PCDHGB5: variants seen among roughly 807,000 people sequenced by gnomAD.
PCDHGB5 encodes the protein protocadherin gamma subfamily B, 5.
In PCDHGB5, 48 loss-of-function variants were observed where a neutral mutation model predicts 62.9. That is an observed-to-expected ratio of 0.76 (90% confidence interval 0.61 to 0.97). PCDHGB5 has a LOEUF of 0.97. PCDHGB5 is among the 50% of genes least tolerant of loss of function. The pLI, the probability that PCDHGB5 is intolerant of heterozygous loss-of-function variation, is 0.00. For missense variants in PCDHGB5, 1,118 were observed against 1,198.6 expected (o/e 0.93, Z 0.99); for synonymous variants, 474 against 511.2 (o/e 0.93, Z 0.98).
chr5:141,421,054 A>G, intron 1 of PCDHGB5: 3 of 571,978 alleles, frequency 5.2e-6, no homozygotes, highest in Non-Finnish European at 9.0e-6. Context: ...CGCCTCTACC[A>G]CACAAAGCGG....
intron 1 of PCDHGB5, among the ~76,000 whole-genome samples, chr5:141,482,104 AAT>A (rs1452930297): frequency 2.7e-5 from 4 of 150,286 alleles, no homozygotes; most frequent in Non-Finnish European, 5.9e-5. Context: ...AAAAAAAAAA[AAT>A]ATCTAGAGAT....
At chr5:141,415,740 G>GTTTTTGTTTTTTTTTT (rs2095911468) in intron 1 of PCDHGB5, 1 of 515,998 alleles carries the variant, frequency 1.9e-6, no homozygotes, top group Non-Finnish European at 2.6e-6. Context: ...GTTTATTAAG[G>GTTTTTGTTTTTTTTTT]TTTTTTTTTT....
At chr5:141,482,089 C>CA (rs36035257) in intron 1 of PCDHGB5, among the ~76,000 whole-genome samples, 13,509 of 134,292 alleles carry the variant, frequency 0.1, 910 homozygotes, top group African/African-American at 0.2. Context: ...CACTCCATCT[C>CA]AAAAAAAAAA....
intron 2 of PCDHGB5, among the ~76,000 whole-genome samples, chr5:141,504,793 C>A (rs1256626821): frequency 9.9e-5 from 15 of 152,166 alleles, no homozygotes; most frequent in Admixed American, 3.9e-4. Context: ...GGGCCTCCTA[C>A]ATCTCCCCCT....
chr5:141,408,298 G>T (rs778209794), intron 1 of PCDHGB5: 1 of 1,613,704 alleles, frequency 6.2e-7, no homozygotes, highest in South Asian at 1.1e-5. Context: ...TGAGTGAGCC[G>T]ATCCGCTACT....
intron 1 of PCDHGB5, chr5:141,403,037 A>G (rs1561685258): frequency 9.3e-6 from 15 of 1,613,972 alleles, no homozygotes; most frequent in South Asian, 5.5e-5. Flanking sequence ...GGCCAGGGCC[A>G]GTCAGATTCG....
intron 2 of PCDHGB5, among the ~76,000 whole-genome samples, chr5:141,500,410 C>G (rs2099800033): frequency 6.6e-6 from 1 of 151,774 alleles, no homozygotes; most frequent in Non-Finnish European, 1.5e-5. Flanking sequence ...GGGGTTTCAC[C>G]GTGTTAGCCA....
chr5:141,415,278 G>A (rs768587119), intron 1 of PCDHGB5: 4 of 1,614,212 alleles, frequency 2.5e-6, no homozygotes, highest in Non-Finnish European at 3.4e-6. Flanking sequence ...TGGTAGCGGT[G>A]GCCGCGGTCT....
chr5:141,430,763 A>C, intron 1 of PCDHGB5: 1 of 1,506,248 alleles, frequency 6.6e-7, no homozygotes, highest in Non-Finnish European at 8.9e-7. Flanking sequence ...GATAAGAATG[A>C]TTCCTGCGCG....
chr5:141,441,565 C>T (rs1049476318), intron 1 of PCDHGB5: 62 of 200,838 alleles, frequency 3.1e-4, no homozygotes, highest in African/African-American at 1.4e-3. Context: ...CAAGTAGACA[C>T]CTCCAACCTA....
rs192747939 is a variant in PCDHGB5 at position 141,487,483 on chromosome 5, T to C, written c.2398-7324T>C. 12 of 1,614,224 alleles carry C rather than the reference T, an allele frequency of 7.4e-6. No individual in the cohort carries two copies. In the Admixed American group the frequency reaches 1.8e-4, roughly 25 times the overall value. On this transcript the variant is annotated intron_variant, in intron 1 of 3. Coordinates refer to ENST00000617380, the MANE Select transcript of PCDHGB5 (RefSeq NM_018925.3). This position sits in a 1 kb window ranked among gnomAD's most constrained non-coding sequence, Gnocchi z 5.0. ...TTGTTGATGTGGGAGGCCACTCTCA[T>C]GGCTGTACACCCTTGGCTTCTGCAC... is the stretch of plus-strand genomic sequence containing the variant.
rs375228847 is a variant in PCDHGB5, at chr5:141,431,219, C to G, written c.2397+30695C>G. ...TGCAGCCACTGAGATGCGGTTCCCTCTACCCCACGCCTGGGATCCGGATAT... is the reference window on the plus strand; with the variant it reads ...TGCAGCCACTGAGATGCGGTTCCCTGTACCCCACGCCTGGGATCCGGATAT... On this transcript the variant is annotated intron_variant, in intron 1 of 3. Coordinates refer to ENST00000617380, the MANE Select transcript of PCDHGB5 (RefSeq NM_018925.3). This position sits in a 1 kb window ranked among gnomAD's most constrained non-coding sequence, Gnocchi z 4.8. 2.5e-6 allele frequency: 4 copies of G among 1,614,180 alleles called. No individual in the cohort carries two copies. The highest frequency in any genetic ancestry group is 1.6e-4 in the Middle Eastern group (1 of 6,062).
intron 1 of PCDHGB5, chr5:141,478,148 C>A: frequency 6.2e-7 from 1 of 1,614,066 alleles, no homozygotes; most frequent in Non-Finnish European, 8.5e-7. Flanking sequence ...AGCCGAGTTC[C>A]CCTCTGGCTC....
chr5:141,404,564 G>A, intron 1 of PCDHGB5: 1 of 1,613,890 alleles, frequency 6.2e-7, no homozygotes. Flanking sequence ...AAGTGACAGT[G>A]GAAGCCCACC....
At chr5:141,492,548 C>A (rs1028674110) in intron 1 of PCDHGB5, among the ~76,000 whole-genome samples, 1 of 152,218 alleles carries the variant, frequency 6.6e-6, no homozygotes, top group Non-Finnish European at 1.5e-5. Flanking sequence ...TGGGCCGGGT[C>A]GCCTGGGGGG....
At chr5:141,401,756 A>G (rs560146125) in intron 1 of PCDHGB5, among the ~76,000 whole-genome samples, 2 of 152,332 alleles carry the variant, frequency 1.3e-5, no homozygotes, top group African/African-American at 4.8e-5. Context: ...CTCCCATTAC[A>G]TGGTATAAGT....
intron 1 of PCDHGB5, chr5:141,419,815 A>T: frequency 6.2e-7 from 1 of 1,613,988 alleles, no homozygotes. Context: ...GAGGACAGCC[A>T]CCCCTTTCAG....
In PCDHGB5 at chr5:141,477,877, C is replaced by A; in HGVS notation, c.2398-16930C>A. 1 of 1,614,170 alleles carries A rather than the reference C, an allele frequency of 6.2e-7. No homozygotes were observed. The highest frequency in any genetic ancestry group is 8.5e-7 in the Non-Finnish European group (1 of 1,180,036). On this transcript the variant is annotated intron_variant, in intron 1 of 3. Transcript: ENST00000617380. This position sits in a 1 kb window ranked among gnomAD's most constrained non-coding sequence, Gnocchi z 4.9. The stretch of plus-strand genomic sequence containing the variant: ...TGCTGCCTCGAGGTACCTCAGCTGG[C>A]CACCTAGTGTCACGGGTGGTAGGCT...
chr5:141,503,825 CA>C (rs2154593417), intron 2 of PCDHGB5, among the ~76,000 whole-genome samples: 1 of 152,186 alleles, frequency 6.6e-6, no homozygotes, highest in Non-Finnish European at 1.5e-5. Flanking sequence ...TGGGCAAAAC[CA>C]AAAGCAGGGA....
Sources: allele counts gnomAD v4.1 joint callset (sites outside exome capture counted in the v4.1 genomes callset), GRCh38; gene constraint gnomAD v4.1.1; non-coding constraint Gnocchi (gnomAD v3.1); transcripts MANE v1.5; gene names NCBI Gene and HGNC (gene_info 2026-07-23, HGNC 2026-07-21).